The following ZNF423 variants were observed in gnomAD, a reference collection of about 807,000 sequenced individuals.
ZNF423 encodes the protein zinc finger protein 423.
A neutral mutation model predicts 95.8 loss-of-function variants in ZNF423; 12 were observed. The observed-to-expected ratio is 0.13, with a 90% confidence interval of 0.08 to 0.20. The LOEUF (loss-of-function observed/expected upper bound fraction) is 0.20. Ranked by LOEUF, ZNF423 falls within the 10% of genes least tolerant of loss-of-function variation. The probability of loss-of-function intolerance (pLI) is 1.00; values close to 1 mark genes in which losing one functional copy is unlikely to be tolerated. For missense variants in ZNF423, 1,316 were observed against 1,737.1 expected (o/e 0.76, Z 4.31); for synonymous variants, 749 against 711.9 (o/e 1.05, Z -0.83).
At chr16:49,532,167 A>G (rs1014968701) in intron 5 of ZNF423, among the ~76,000 whole-genome samples, 4 of 152,142 alleles carry the variant, frequency 2.6e-5, no homozygotes, top group Non-Finnish European at 2.9e-5. Flanking sequence ...AATGAAAAAT[A>G]TTTCCTGTGG....
At chr16:49,726,510 G>C (rs528934796) in intron 3 of ZNF423, among the ~76,000 whole-genome samples, 1 of 152,236 alleles carries the variant, frequency 6.6e-6, no homozygotes, top group Admixed American at 6.5e-5. Flanking sequence ...GCAGTTTAAA[G>C]GACCCAAATT....
intron 3 of ZNF423, among the ~76,000 whole-genome samples, chr16:49,716,919 T>C (rs1007988783): frequency 1.3e-5 from 2 of 152,206 alleles, no homozygotes; most frequent in African/African-American, 4.8e-5. Flanking sequence ...GGATGTTCTT[T>C]ATTTTTCTGT....
chr16:49,849,418 A>G (rs763304745), intron 1 of ZNF423, among the ~76,000 whole-genome samples: 10 of 152,216 alleles, frequency 6.6e-5, no homozygotes, highest in Non-Finnish European at 1.0e-4. Flanking sequence ...GCCAACCTCA[A>G]TGACCCCAAA....
At chr16:49,796,908 T>C (rs1191819669) in intron 1 of ZNF423, among the ~76,000 whole-genome samples, 2 of 152,150 alleles carry the variant, frequency 1.3e-5, no homozygotes, top group South Asian at 2.1e-4. Flanking sequence ...TAAGCACCCA[T>C]AGACCAATGG....
At chr16:49,597,193 T>A (rs1277385448) in intron 5 of ZNF423, among the ~76,000 whole-genome samples, 1 of 152,112 alleles carries the variant, frequency 6.6e-6, no homozygotes. Flanking sequence ...AGCCTGCTCC[T>A]CTGGCCAGGG....
intron 3 of ZNF423, among the ~76,000 whole-genome samples, chr16:49,685,370 C>T (rs1212297896): frequency 1.3e-5 from 2 of 152,208 alleles, no homozygotes; most frequent in Non-Finnish European, 2.9e-5. Flanking sequence ...GAGGTTCCTG[C>T]TCACATGCAG....
At chr16:49,673,069 C>T (rs538233149) in intron 3 of ZNF423, among the ~76,000 whole-genome samples, 29 of 152,290 alleles carry the variant, frequency 1.9e-4, no homozygotes, top group Non-Finnish European at 2.8e-4. Flanking sequence ...AGGCTCACCA[C>T]CCCGCCGTGG....
chr16:49,552,450 G>A (rs993993719), intron 5 of ZNF423, among the ~76,000 whole-genome samples: 6 of 152,156 alleles, frequency 3.9e-5, no homozygotes, highest in Admixed American at 2.6e-4. Context: ...AGGGGCCAGC[G>A]CAGCCCCTGC....
intron 3 of ZNF423, among the ~76,000 whole-genome samples, chr16:49,689,812 T>C (rs1479292190): frequency 6.6e-6 from 1 of 152,134 alleles, no homozygotes; most frequent in African/African-American, 2.4e-5. Flanking sequence ...GTGGCTGTCC[T>C]TCCCCCGACC....
At chr16:49,690,089 T>C (rs1464923131) in intron 3 of ZNF423, among the ~76,000 whole-genome samples, 1 of 152,202 alleles carries the variant, frequency 6.6e-6, no homozygotes, top group Non-Finnish European at 1.5e-5. Context: ...AACCACCATC[T>C]ACTAAGTGCA....
intron 5 of ZNF423, among the ~76,000 whole-genome samples, chr16:49,585,953 G>A (rs574699758): frequency 1.2e-4 from 19 of 152,232 alleles, no homozygotes; most frequent in Admixed American, 9.2e-4. Context: ...GCAGGCCACC[G>A]TGACGTCTGA....
chr16:49,752,970 A>T (rs761866541), intron 2 of ZNF423, among the ~76,000 whole-genome samples: 43 of 152,212 alleles, frequency 2.8e-4, no homozygotes, highest in Non-Finnish European at 4.0e-4. Flanking sequence ...TCGACCAGGC[A>T]CAGTGGCTCA....
intron 5 of ZNF423, among the ~76,000 whole-genome samples, chr16:49,557,179 G>A (rs778014654): frequency 2.0e-5 from 3 of 152,260 alleles, no homozygotes; most frequent in Non-Finnish European, 4.4e-5. Context: ...CAGAGGGGCT[G>A]TTCTAATCTT....
intron 1 of ZNF423, among the ~76,000 whole-genome samples, chr16:49,809,380 C>CT (rs557477748): frequency 6.6e-6 from 1 of 152,334 alleles, no homozygotes; most frequent in African/African-American, 2.4e-5. Context: ...GTCCCATGCT[C>CT]TGTGTGTCAC....
At chr16:49,778,568 C>A (rs2034159636) in intron 2 of ZNF423, among the ~76,000 whole-genome samples, 1 of 123,732 alleles carries the variant, frequency 8.1e-6, no homozygotes, top group South Asian at 2.8e-4. Flanking sequence ...ACTTGGGAAA[C>A]AAGCCATGCC....
At chr16:49,645,063 C>T (rs1260652673) in intron 3 of ZNF423, among the ~76,000 whole-genome samples, 1 of 152,202 alleles carries the variant, frequency 6.6e-6, no homozygotes, top group Non-Finnish European at 1.5e-5. Context: ...ATGATAGACA[C>T]AAAATGGCCT....
intron 7 of ZNF423, among the ~76,000 whole-genome samples, chr16:49,514,244 ACG>A (rs1230910543): frequency 2.1e-5 from 3 of 141,178 alleles, no homozygotes; most frequent in East Asian, 2.0e-4. Flanking sequence ...ACACACGCAC[ACG>A]CACACACACA....
intron 5 of ZNF423, among the ~76,000 whole-genome samples, chr16:49,565,475 C>A (rs1970158580): frequency 6.6e-6 from 1 of 152,186 alleles, no homozygotes; most frequent in African/African-American, 2.4e-5. Context: ...GGGCTCTGCC[C>A]AGGACTCCTC....
At chr16:49,724,252 T>C (rs923759217) in intron 3 of ZNF423, among the ~76,000 whole-genome samples, 5 of 152,232 alleles carry the variant, frequency 3.3e-5, no homozygotes, top group Non-Finnish European at 7.3e-5. Flanking sequence ...CTGGTTTTTA[T>C]ACATTTTGTG....
Sources: allele counts gnomAD v4.1 joint callset (sites outside exome capture counted in the v4.1 genomes callset), GRCh38; gene constraint gnomAD v4.1.1; transcripts MANE v1.5; gene names NCBI Gene and HGNC (gene_info 2026-07-23, HGNC 2026-07-21).